ESYT2: variants seen among roughly 807,000 people sequenced by gnomAD.
The protein encoded by ESYT2 is extended synaptotagmin 2, also known as extended synaptotagmin-2.
Under a neutral mutation model 107.2 loss-of-function variants are expected in ESYT2, and 54 were observed. The ratio of observed to expected loss-of-function variants is 0.50; its 90% CI spans 0.40 to 0.63. The LOEUF is 0.63. ESYT2 is among the 30% of genes least tolerant of loss of function. The pLI is 0.00. For missense variants in ESYT2, 1,020 were observed against 1,094.5 expected (o/e 0.93, Z 0.96); for synonymous variants, 491 against 434.1 (o/e 1.13, Z -1.63).
chr7:158,740,490 G>A (rs1004232856), intron 18 of ESYT2, among the ~76,000 whole-genome samples: 3 of 152,074 alleles, frequency 2.0e-5, no homozygotes, highest in Non-Finnish European at 4.4e-5. Context: ...TGCATGTCCC[G>A]TCTCAAAGCC....
At chr7:158,814,237 G>A (rs913202203) in intron 1 of ESYT2, among the ~76,000 whole-genome samples, 4 of 146,676 alleles carry the variant, frequency 2.7e-5, no homozygotes, top group Non-Finnish European at 6.0e-5. Flanking sequence ...TCGCGCCACT[G>A]CACTCCAGCC....
chr7:158,789,662 C>T (rs1320999606), intron 4 of ESYT2, among the ~76,000 whole-genome samples: 1 of 152,082 alleles, frequency 6.6e-6, no homozygotes, highest in East Asian at 1.9e-4. Flanking sequence ...TGGCCTGGAT[C>T]ATTTTATTTT....
At chr7:158,820,324 T>C (rs1840255787) in intron 1 of ESYT2, among the ~76,000 whole-genome samples, 1 of 152,188 alleles carries the variant, frequency 6.6e-6, no homozygotes, top group Non-Finnish European at 1.5e-5. Flanking sequence ...AACAATATAA[T>C]ATATTCTTGA....
At chr7:158,766,440 G>C (rs1330683961) in intron 8 of ESYT2, among the ~76,000 whole-genome samples, 1 of 152,142 alleles carries the variant, frequency 6.6e-6, no homozygotes, top group East Asian at 1.9e-4. Flanking sequence ...AGGGATTCCT[G>C]CATTTCCAGA....
intron 1 of ESYT2, among the ~76,000 whole-genome samples, chr7:158,799,933 G>A (rs1489253521): frequency 6.6e-6 from 1 of 152,100 alleles, no homozygotes; most frequent in African/African-American, 2.4e-5. Context: ...GACCAGCCTG[G>A]CCAACATATT....
intron 20 of ESYT2, 125 bp downstream of exon 20, chr7:158,736,923 G>A: frequency 1.7e-6 from 2 of 1,211,818 alleles, no homozygotes; most frequent in South Asian, 2.9e-5. Context: ...GCTAAAAGTT[G>A]GTTTCTGATT....
intron 20 of ESYT2, 104 bp from the exon 21 acceptor site, chr7:158,735,712 T>C: frequency 1.0e-6 from 1 of 997,344 alleles, no homozygotes; most frequent in Non-Finnish European, 1.5e-6. Context: ...ATGTCATGTT[T>C]GTTTTTTATT....
At chr7:158,818,118 T>G (rs1164897457) in intron 1 of ESYT2, among the ~76,000 whole-genome samples, 2 of 152,238 alleles carry the variant, frequency 1.3e-5, no homozygotes, top group Non-Finnish European at 2.9e-5. Context: ...AATCCCCACT[T>G]TTTAGTCACT....
At chr7:158,739,271 T>G (rs1444546051) in intron 18 of ESYT2, 150 bp from the exon 19 acceptor site, 1 of 624,262 alleles carries the variant, frequency 1.6e-6, no homozygotes, top group Non-Finnish European at 2.8e-6. Context: ...TTGAAACTTC[T>G]GGGTACAAGT....
At chr7:158,785,455 A>C (rs1368992873) in intron 6 of ESYT2, among the ~76,000 whole-genome samples, 3,647 of 151,756 alleles carry the variant, frequency 0.024, 146 homozygotes, top group African/African-American at 0.084. Context: ...ATAAATAAAT[A>C]AATAAATAAA....
intron 1 of ESYT2, among the ~76,000 whole-genome samples, chr7:158,818,968 C>G (rs537720998): frequency 3.3e-5 from 5 of 152,362 alleles, no homozygotes; most frequent in Admixed American, 3.3e-4. Flanking sequence ...CATGTCCAGA[C>G]AAGGACACAC....
intron 3 of ESYT2, among the ~76,000 whole-genome samples, chr7:158,795,607 C>T (rs62480280): frequency 8.6e-6 from 1 of 116,214 alleles, no homozygotes; most frequent in Admixed American, 7.5e-5. Context: ...GAGCATGCAG[C>T]CCCTGCGGCC....
intron 1 of ESYT2, 26 bp downstream of exon 1, chr7:158,829,063 C>A (rs754715865): frequency 1.3e-6 from 2 of 1,554,174 alleles, no homozygotes; most frequent in East Asian, 4.9e-5. Flanking sequence ...GGTCAGGGGT[C>A]GGGACGGGCA....
intron 16 of ESYT2, among the ~76,000 whole-genome samples, chr7:158,746,036 G>GTTCT (rs75603572): frequency 0.26 from 39,580 of 151,632 alleles, 6,558 homozygotes; most frequent in East Asian, 0.66. Flanking sequence ...CAAAAAATTG[G>GTTCT]TTAAGAAAAT....
intron 7 of ESYT2, 88 bp from the exon 8 acceptor site, chr7:158,767,862 G>A: frequency 1.4e-6 from 2 of 1,456,754 alleles, no homozygotes; most frequent in Non-Finnish European, 1.8e-6. Context: ...CCACGAATAT[G>A]ATGTAAGTCC....
Position 158,829,402 on chromosome 7 carries a change from C to T in ESYT2, c.17G>A (p.Gly6Asp). MSGAR[G>D]EGPEAGAGGA... ...GCCGGCGCCCGCCTCCGGGCCCTCG[C>T]CCCGGGCGCCGCTCATCGCCCCGCA... Residue 6 changes from glycine to aspartate, a missense_variant, in exon 1 of 23, where the codon GGC (glycine) becomes GAC (aspartate). Transcript: ENST00000275418. 1 of 1,203,604 alleles carries T rather than the reference C, an allele frequency of 8.3e-7. No individual in the cohort carries two copies. Among genetic ancestry groups the T allele is most frequent in the Non-Finnish European group, 1.0e-6 (1 of 975,504 alleles). The allele number at this position is 1,203,604 out of a possible 1,614,324, so 74.6% of individuals were successfully genotyped here.
intron 20 of ESYT2, among the ~76,000 whole-genome samples, chr7:158,736,504 A>T (rs959840451): frequency 2.6e-5 from 4 of 152,100 alleles, no homozygotes; most frequent in African/African-American, 4.8e-5. Flanking sequence ...CCCTCCTAGG[A>T]GGTCACCAAA....
chr7:158,816,421 C>A (rs748813395), intron 1 of ESYT2, among the ~76,000 whole-genome samples: 3 of 152,158 alleles, frequency 2.0e-5, no homozygotes, highest in Non-Finnish European at 2.9e-5. Context: ...GCAGAATGGC[C>A]CCATGAGGAT....
intron 1 of ESYT2, among the ~76,000 whole-genome samples, chr7:158,804,984 A>T (rs1485368791): frequency 6.6e-6 from 1 of 152,160 alleles, no homozygotes; most frequent in East Asian, 1.9e-4. Flanking sequence ...GAGAAAAAGT[A>T]TTAGGGACAG....
Sources: allele counts gnomAD v4.1 joint callset (sites outside exome capture counted in the v4.1 genomes callset), GRCh38; gene constraint gnomAD v4.1.1; transcripts MANE v1.5; gene names NCBI Gene and HGNC (gene_info 2026-07-23, HGNC 2026-07-21).